The following ZMYND11 variants were observed in gnomAD, a reference collection of about 807,000 sequenced individuals.
ZMYND11 encodes zinc finger MYND domain-containing protein 11.
ZMYND11 carries 9 observed loss-of-function variants against 84.9 expected under a neutral mutation model. That is an observed-to-expected ratio of 0.11 (90% CI 0.06 to 0.18). The LOEUF is 0.18. Ranked by LOEUF, ZMYND11 falls within the 10% of genes least tolerant of loss-of-function variation. The pLI, the probability that ZMYND11 is intolerant of heterozygous loss-of-function variation, is 1.00. For missense variants in ZMYND11, 409 were observed against 761.0 expected (o/e 0.54, Z 5.44); for synonymous variants, 250 against 244.1 (o/e 1.02, Z -0.23).
At chr10:167,722 T>C (rs542188885) in intron 1 of ZMYND11, among the ~76,000 whole-genome samples, 48 of 152,264 alleles carry the variant, frequency 3.2e-4, no homozygotes, top group African/African-American at 1.1e-3. Flanking sequence ...TGGGGCAGTA[T>C]TATTGATCTT....
intron 1 of ZMYND11, among the ~76,000 whole-genome samples, chr10:171,626 C>CA (rs1344015747): frequency 6.6e-6 from 1 of 152,088 alleles, no homozygotes; most frequent in Non-Finnish European, 1.5e-5. Flanking sequence ...AATAGTTTAT[C>CA]AAAATCACAT....
rs1315753418 is a variant in ZMYND11 at position 249,373 on chromosome 10, A to G, written c.1686+285A>G. The G allele has an allele frequency of 4.4e-6, 5 of 1,136,216 alleles. No individual in the cohort carries two copies. The African/African-American group carries it at 6.5e-5, about 15-fold the overall frequency. 70.4% of individuals were successfully genotyped at this position (1,136,216 alleles called of 1,614,324 possible). A position where few individuals can be genotyped will look rare whatever the true frequency, so the allele number is the denominator to read the frequency against. On this transcript the variant is annotated intron_variant, in intron 14 of 14. Transcript: ENST00000381604. Reference sequence around the variant, plus strand: ...ACTTATATAATTTCTCCATCTATGCATATATTTTATTTGGGCAAAGTGGCT... The same window carrying G: ...ACTTATATAATTTCTCCATCTATGCGTATATTTTATTTGGGCAAAGTGGCT...
intron 2 of ZMYND11, among the ~76,000 whole-genome samples, chr10:194,040 A>C (rs1420484092): frequency 2.6e-5 from 4 of 152,118 alleles, no homozygotes; most frequent in Non-Finnish European, 5.9e-5. Flanking sequence ...GATGGAGTGC[A>C]ATAGTACAAT....
intron 2 of ZMYND11, among the ~76,000 whole-genome samples, chr10:197,655 T>C (rs1308647317): frequency 6.6e-6 from 1 of 152,210 alleles, no homozygotes; most frequent in East Asian, 1.9e-4. Context: ...CTACTTCTAA[T>C]AGTACTAAAA....
intron 3 of ZMYND11, among the ~76,000 whole-genome samples, chr10:211,048 T>C (rs901078785): frequency 5.3e-5 from 8 of 151,476 alleles, no homozygotes; most frequent in Admixed American, 3.3e-4. Flanking sequence ...AAAAATTAGC[T>C]GGGTGTGGTG....
At chr10:237,543 T>G in intron 5 of ZMYND11, 42 bp from the exon 6 acceptor site, 3 of 1,281,042 alleles carry the variant, frequency 2.3e-6, no homozygotes, top group African/African-American at 1.5e-5. Context: ...TTACCTGCCT[T>G]CCTTTAACCA....
intron 1 of ZMYND11, among the ~76,000 whole-genome samples, chr10:169,288 T>C (rs1243665640): frequency 3.9e-5 from 6 of 152,120 alleles, no homozygotes; most frequent in Non-Finnish European, 5.9e-5. Flanking sequence ...TTGAATCTAA[T>C]CATAGGACTA....
chr10:190,800 A>T (rs1393482901), intron 2 of ZMYND11, among the ~76,000 whole-genome samples: 1 of 152,076 alleles, frequency 6.6e-6, no homozygotes, highest in Non-Finnish European at 1.5e-5. Context: ...AATCATACCC[A>T]TTCTTTTAGG....
intron 6 of ZMYND11, 74 bp from the exon 7 acceptor site, chr10:239,364 G>T: frequency 8.3e-7 from 1 of 1,199,792 alleles, no homozygotes; most frequent in Non-Finnish European, 1.2e-6. Flanking sequence ...AAGACTGCTT[G>T]TCCTGTGAAC....
At chr10:201,099 A>G (rs993219476) in intron 2 of ZMYND11, among the ~76,000 whole-genome samples, 9 of 151,968 alleles carry the variant, frequency 5.9e-5, no homozygotes, top group Admixed American at 2.0e-4. Context: ...TTCTATCTCA[A>G]ATTTTATGAT....
chr10:186,167 G>A (rs1449461808), intron 2 of ZMYND11, among the ~76,000 whole-genome samples: 1 of 151,664 alleles, frequency 6.6e-6, no homozygotes, highest in Non-Finnish European at 1.5e-5. Flanking sequence ...CCACCAGGAT[G>A]CCTGGCTAAT....
intron 2 of ZMYND11, among the ~76,000 whole-genome samples, chr10:204,559 G>T (rs1396875533): frequency 1.3e-5 from 2 of 152,010 alleles, no homozygotes; most frequent in African/African-American, 4.8e-5. Context: ...TACATGATTT[G>T]CAAACTCCTT....
At chr10:239,030 C>G (rs1265574246) in intron 6 of ZMYND11, among the ~76,000 whole-genome samples, 2 of 152,170 alleles carry the variant, frequency 1.3e-5, no homozygotes, top group African/African-American at 2.4e-5. Flanking sequence ...CAGAGGCTAA[C>G]AGTTCTGTTT....
At chr10:228,277 CTG>C (rs1948457019) in intron 4 of ZMYND11, among the ~76,000 whole-genome samples, 1 of 152,208 alleles carries the variant, frequency 6.6e-6, no homozygotes, top group Admixed American at 6.5e-5. Flanking sequence ...AAGGATATGA[CTG>C]TGAAATGTTT....
At chr10:210,173 T>G in intron 3 of ZMYND11, 125 bp downstream of exon 3, 2 of 1,074,794 alleles carry the variant, frequency 1.9e-6, no homozygotes, top group South Asian at 1.6e-5. Flanking sequence ...TGTATCAACA[T>G]TAAGGCTCTA....
chr10:252,164 G>T lies in ZMYND11; in HGVS notation c.1687-184G>T, dbSNP rs1953644051. On this transcript the variant is annotated intron_variant, in intron 14 of 14. Transcript: ENST00000381604. The surrounding 1 kb of genome is among the most constrained non-coding windows in gnomAD (Gnocchi z 4.6). ...GCAGCTTGAGTTTGCTGACAACCAG[G>T]CATGAGCTGCAGTCATCCCCAGGGC... is the stretch of plus-strand genomic sequence containing the variant. Among the ~76,000 whole-genome samples the T allele has an allele frequency of 6.6e-6, 1 of 152,140 alleles. No individual in the cohort carries two copies. Among genetic ancestry groups the T allele is most frequent in the African/African-American group, 2.4e-5 (1 of 41,420 alleles).
At chr10:155,351 T>C (rs1433393649) in intron 1 of ZMYND11, among the ~76,000 whole-genome samples, 1 of 152,044 alleles carries the variant, frequency 6.6e-6, no homozygotes, top group Non-Finnish European at 1.5e-5. Flanking sequence ...ATTCTTATGG[T>C]ATATAAAGAA....
At chr10:131,911 C>G (rs1835319407), upstream of ZMYND11, among the ~76,000 whole-genome samples, 1 of 152,120 alleles carries the variant, frequency 6.6e-6, no homozygotes, top group African/African-American at 2.4e-5. Flanking sequence ...ATGGTAACTG[C>G]TGTTACAGAG....
At chr10:140,392 G>T (rs1006106685) in intron 1 of ZMYND11, among the ~76,000 whole-genome samples, 4 of 152,138 alleles carry the variant, frequency 2.6e-5, no homozygotes, top group Non-Finnish European at 5.9e-5. Flanking sequence ...TTTTCCATTA[G>T]AAAATCCATA....
Sources: gnomAD v4.1 joint callset for allele counts (sites outside exome capture counted in the v4.1 genomes callset) on GRCh38, gnomAD v4.1.1 for gene constraint, Gnocchi (gnomAD v3.1) non-coding constraint, MANE v1.5 for transcripts, NCBI Gene and HGNC (gene_info 2026-07-23, HGNC 2026-07-21) for gene names.